TNRC6A: variants seen among roughly 807,000 people sequenced by gnomAD.
TNRC6A encodes trinucleotide repeat containing adaptor 6A, also known as trinucleotide repeat-containing gene 6A protein.
TNRC6A carries 44 observed loss-of-function variants against 221.2 expected under a neutral mutation model. The ratio of observed to expected loss-of-function variants is 0.20; its 90% CI spans 0.16 to 0.26. TNRC6A has a LOEUF of 0.26. Among genes scored for constraint, TNRC6A ranks in the 10% least tolerant of loss-of-function variants. The pLI is 1.00. For missense variants in TNRC6A, 2,199 were observed against 2,404.4 expected (o/e 0.91, Z 1.79); for synonymous variants, 847 against 838.5 (o/e 1.01, Z -0.18).
chr16:24,823,867 G>A lies in TNRC6A; in HGVS notation c.*60G>A. On this transcript the variant is annotated 3_prime_UTR_variant, in exon 25 of 25. Coordinates refer to ENST00000395799, the MANE Select transcript of TNRC6A (RefSeq NM_014494.4). This position sits in a 1 kb window ranked among gnomAD's most constrained non-coding sequence, Gnocchi z 4.3. ...GACGCGAGGGAAAGGAGCACTAAGT[G>A]GGGCTCGCCGCCTGCAGCCAGGGGC... is the stretch of plus-strand genomic sequence containing the variant. The A allele has an allele frequency of 7.3e-7, 1 of 1,366,714 alleles. No individual in the cohort carries two copies. The highest frequency in any genetic ancestry group is 9.5e-7 in the Non-Finnish European group (1 of 1,055,570). 84.7% of individuals were successfully genotyped at this position (1,366,714 alleles called of 1,614,324 possible).
chr16:24,809,313 A>G, intron 17 of TNRC6A, 37 bp from the exon 18 acceptor site: 1 of 1,465,794 alleles, frequency 6.8e-7, no homozygotes, highest in Non-Finnish European at 9.1e-7. Flanking sequence ...AATGTGCTGT[A>G]TTTTCTAAGG....
chr16:24,780,310 C>T (rs183602060), intron 5 of TNRC6A, among the ~76,000 whole-genome samples: 2 of 152,234 alleles, frequency 1.3e-5, no homozygotes, highest in East Asian at 3.9e-4. Flanking sequence ...ATTGTTGAAC[C>T]ACTTAAAAGT....
rs757799159 is a variant in TNRC6A, at chr16:24,791,574, C to G, written c.2932C>G (p.Pro978Ala). The change falls in exon 6 of 25, where the codon CCA becomes GCA. Residue 978 changes from proline to alanine, a missense_variant. This residue lies in a region of TNRC6A where 1,405 missense variants were observed against 1,400.2 expected (regional missense o/e 1.00). Transcript: ENST00000395799. Reference sequence around the variant, plus strand: ...CTGGCTGGGGGGACCTATACCAGCCCCAGCAAAAGAAGAAGAACCCACAGG... The same window carrying G: ...CTGGCTGGGGGGACCTATACCAGCCGCAGCAAAAGAAGAAGAACCCACAGG... ...TGWLGGPIPA[P>A]AKEEEPTGWE... 6.4e-7 allele frequency: 1 copy of G among 1,573,924 alleles called. No individual in the cohort carries two copies. Among genetic ancestry groups the G allele is most frequent in the Non-Finnish European group, 8.6e-7 (1 of 1,163,556 alleles).
upstream of TNRC6A, among the ~76,000 whole-genome samples, chr16:24,729,257 G>A (rs568856364): frequency 1.3e-5 from 2 of 151,690 alleles, no homozygotes; most frequent in Non-Finnish European, 2.9e-5. Context: ...AAAGCCGCGC[G>A]GGCTCATCAG....
Position 24,797,505 on chromosome 16 carries a change from G to A in TNRC6A, c.3577G>A (p.Gly1193Arg). 3 of 1,610,328 alleles carry A rather than the reference G, an allele frequency of 1.9e-6. No homozygotes were observed. Among genetic ancestry groups the A allele is most frequent in the Non-Finnish European group, 8.5e-7 (1 of 1,178,874 alleles). Residue 1193 changes from glycine (G) to arginine (R), a missense_variant, in exon 10 of 25, where the codon GGA becomes AGA. By Grantham distance (125) the Gly-to-Arg change is moderately radical (BLOSUM62 -2). Transcript: ENST00000395799. ...RRRERGMMKG[G>R]NKQEEAWINP... ...TTTTACAAAGGGAATGATGAAAGGT[G>A]GAAACAAACAAGAAGAAGCGTGGAT... is the stretch of plus-strand genomic sequence containing the variant.
chr16:24,720,214 A>T (rs1174477219), intron 2 of TNRC6A, among the ~76,000 whole-genome samples: 2 of 152,170 alleles, frequency 1.3e-5, no homozygotes, highest in Admixed American at 1.3e-4. Flanking sequence ...ACTCTGGCCA[A>T]CATAACAAGG....
chr16:24,802,149 G>T (rs1239157005), intron 11 of TNRC6A, among the ~76,000 whole-genome samples: 1 of 152,184 alleles, frequency 6.6e-6, no homozygotes. Flanking sequence ...TATTATGGTG[G>T]TGGCAGACAT....
intron 2 of TNRC6A, among the ~76,000 whole-genome samples, chr16:24,682,383 G>A (rs999639366): frequency 1.4e-4 from 19 of 138,830 alleles, no homozygotes; most frequent in African/African-American, 3.9e-4. Flanking sequence ...GCACCACCAC[G>A]CCCAGCTTTT....
chr16:24,819,950 T>C (rs1206577927), intron 21 of TNRC6A, among the ~76,000 whole-genome samples, 189 bp from the exon 22 acceptor site: 1 of 152,090 alleles, frequency 6.6e-6, no homozygotes, highest in Admixed American at 6.5e-5. Context: ...ATGGCTTGAG[T>C]GTTTGGAGGG....
intron 4 of TNRC6A, among the ~76,000 whole-genome samples, chr16:24,766,643 T>C (rs890413135): frequency 8.5e-5 from 13 of 152,058 alleles, no homozygotes; most frequent in Admixed American, 3.3e-4. Context: ...TTGTTTGCCA[T>C]GCATAATCAC....
At chr16:24,611,670 A>G (rs1900062994) in intron 1 of TNRC6A, among the ~76,000 whole-genome samples, 2 of 152,212 alleles carry the variant, frequency 1.3e-5, no homozygotes, top group South Asian at 4.1e-4. Context: ...ATTTAGTTCA[A>G]TGTAATTGCA....
intron 1 of TNRC6A, among the ~76,000 whole-genome samples, chr16:24,614,865 T>G (rs1037210429): frequency 6.6e-6 from 1 of 152,048 alleles, no homozygotes. Flanking sequence ...AGGTCAGGAG[T>G]TCGCGACCAG....
At chr16:24,750,271 T>A (rs1004232668) in intron 2 of TNRC6A, among the ~76,000 whole-genome samples, 8 of 152,202 alleles carry the variant, frequency 5.3e-5, no homozygotes, top group African/African-American at 1.7e-4. Context: ...CTAAAAATAT[T>A]TACAAAGCTT....
intron 1 of TNRC6A, among the ~76,000 whole-genome samples, chr16:24,636,635 G>T (rs1429567782): frequency 6.6e-6 from 1 of 151,988 alleles, no homozygotes; most frequent in Non-Finnish European, 1.5e-5. Context: ...GAGATTACAG[G>T]TAGAGCCACT....
At chr16:24,652,209 T>G (rs1316262265) in intron 2 of TNRC6A, among the ~76,000 whole-genome samples, 1 of 152,040 alleles carries the variant, frequency 6.6e-6, no homozygotes, top group African/African-American at 2.4e-5. Context: ...TAATTTAGAA[T>G]AAAAGAACTT....
chr16:24,624,754 G>T (rs943012899), intron 1 of TNRC6A, among the ~76,000 whole-genome samples: 13 of 152,190 alleles, frequency 8.5e-5, no homozygotes, highest in African/African-American at 3.1e-4. Flanking sequence ...AAAGTGCTGG[G>T]ATTACAGGCA....
At chr16:24,638,022 T>C (rs1472790603) in intron 1 of TNRC6A, among the ~76,000 whole-genome samples, 1 of 152,006 alleles carries the variant, frequency 6.6e-6, no homozygotes, top group Non-Finnish European at 1.5e-5. Context: ...TGACCTCAAG[T>C]GATCCACCCG....
In TNRC6A at chr16:24,790,585, A is replaced by C; in HGVS notation, c.1943A>C (p.Asp648Ala). 6.2e-7 allele frequency: 1 copy of C among 1,614,234 alleles called. No homozygotes were observed. Among genetic ancestry groups the C allele is most frequent in the Non-Finnish European group, 8.5e-7 (1 of 1,180,046 alleles). ...TNGWKSTEEE[D>A]QGSATSQTNE... Reference sequence around the variant, plus strand: ...GGATGGAAATCTACTGAGGAAGAGGATCAGGGTTCTGCCACATCTCAGACA... The same window carrying C: ...GGATGGAAATCTACTGAGGAAGAGGCTCAGGGTTCTGCCACATCTCAGACA... Residue 648 changes from aspartate (D) to alanine (A), a missense_variant, in exon 6 of 25, where the codon GAT (aspartate) becomes GCT (alanine). Coordinates refer to ENST00000395799, the MANE Select transcript of TNRC6A (RefSeq NM_014494.4).
chr16:24,640,198 A>G (rs1474767231), intron 1 of TNRC6A, among the ~76,000 whole-genome samples: 1 of 151,948 alleles, frequency 6.6e-6, no homozygotes, highest in Admixed American at 6.6e-5. Context: ...TCAGGACTTC[A>G]AGACCAGCCT....
Sources: allele counts gnomAD v4.1 joint callset (sites outside exome capture counted in the v4.1 genomes callset), GRCh38; gene constraint gnomAD v4.1.1; regional missense constraint gnomAD v4.1.1; non-coding constraint Gnocchi (gnomAD v3.1); transcripts MANE v1.5; gene names NCBI Gene and HGNC (gene_info 2026-07-23, HGNC 2026-07-21).